Variants in PDS5B observed in about 807,000 individuals in gnomAD.
PDS5B encodes the protein PDS5 cohesin associated factor B, also known as sister chromatid cohesion protein PDS5 homolog B.
Under a neutral mutation model 184.1 loss-of-function variants are expected in PDS5B, and 51 were observed. The ratio of observed to expected loss-of-function variants is 0.28; its 90% CI spans 0.22 to 0.35. The LOEUF (loss-of-function observed/expected upper bound fraction) is 0.35. Ranked by LOEUF, PDS5B falls within the 10% of genes least tolerant of loss-of-function variation. PDS5B has a pLI of 1.00. For missense variants in PDS5B, 1,180 were observed against 1,723.3 expected (o/e 0.68, Z 5.58); for synonymous variants, 566 against 569.2 (o/e 0.99, Z 0.08).
intron 30 of PDS5B, among the ~76,000 whole-genome samples, chr13:32,761,234 G>T (rs1411600286): frequency 6.6e-6 from 1 of 152,148 alleles, no homozygotes. Flanking sequence ...TGTTAACCTA[G>T]TATAGAAAGG....
At chr13:32,750,400 T>A (rs1953928190) in intron 24 of PDS5B, among the ~76,000 whole-genome samples, 1 of 152,116 alleles carries the variant, frequency 6.6e-6, no homozygotes, top group South Asian at 2.1e-4. Context: ...TCATAGTAAA[T>A]CTATAACGGA....
intron 31 of PDS5B, 103 bp from the exon 32 acceptor site, chr13:32,770,018 A>G: frequency 2.2e-6 from 2 of 905,282 alleles, no homozygotes; most frequent in Non-Finnish European, 1.7e-6. Flanking sequence ...TTTTAGGTAC[A>G]TATCTAGGAC....
At chr13:32,695,634 A>G (rs912446710) in intron 14 of PDS5B, among the ~76,000 whole-genome samples, 2 of 152,034 alleles carry the variant, frequency 1.3e-5, no homozygotes, top group African/African-American at 4.8e-5. Context: ...ACATCCAGGT[A>G]GTATGTTAAG....
At chr13:32,757,827 C>A (rs1232345970) in intron 26 of PDS5B, among the ~76,000 whole-genome samples, 1 of 152,086 alleles carries the variant, frequency 6.6e-6, no homozygotes, top group Admixed American at 6.5e-5. Context: ...TTTATGTTTC[C>A]CCTTTAACCC....
At chr13:32,708,389 A>C (rs1452249932) in intron 18 of PDS5B, among the ~76,000 whole-genome samples, 1 of 151,894 alleles carries the variant, frequency 6.6e-6, no homozygotes, top group Admixed American at 6.6e-5. Flanking sequence ...GAATATTTTG[A>C]TTTTTCTACT....
intron 30 of PDS5B, 81 bp downstream of exon 30, chr13:32,760,801 G>T: frequency 1.5e-6 from 2 of 1,298,760 alleles, no homozygotes; most frequent in Non-Finnish European, 1.1e-6. Context: ...AATCCAAAAT[G>T]TTTCATGTCA....
At chr13:32,638,117 A>G (rs1201557268) in intron 1 of PDS5B, among the ~76,000 whole-genome samples, 3 of 152,130 alleles carry the variant, frequency 2.0e-5, no homozygotes, top group African/African-American at 7.2e-5. Context: ...CTGTGCATAT[A>G]CATTCTAATT....
intron 28 of PDS5B, 59 bp downstream of exon 28, chr13:32,758,712 T>C: frequency 1.3e-6 from 2 of 1,541,196 alleles, no homozygotes; most frequent in Non-Finnish European, 1.8e-6. Context: ...CAGCACTGGA[T>C]TGTAGGAAGA....
chr13:32,688,566 T>C lies in PDS5B; in HGVS notation c.1466T>C (p.Val489Ala). 6.6e-7 allele frequency: 1 copy of C among 1,510,018 alleles called. No individual in the cohort carries two copies. Among genetic ancestry groups the C allele is most frequent in the Non-Finnish European group, 9.2e-7 (1 of 1,085,384 alleles). The allele number at this position is 1,510,018 out of a possible 1,614,324, so 93.5% of individuals were successfully genotyped here. Residue 489 changes from valine to alanine, a missense_variant, in exon 13 of 35, where the codon GTG (valine) becomes GCG (alanine). Val to Ala is a moderately conservative substitution (Grantham distance 64). Coordinates refer to ENST00000315596, the MANE Select transcript of PDS5B (RefSeq NM_015032.4). ...YLYATLDLNAVKALNEMWKCQ... is the reference protein window; with the variant it reads ...YLYATLDLNAAKALNEMWKCQ... ...TATGCCACACTGGATTTAAATGCTG[T>C]GAAGTATGTTTCAAATATCAAATTC...
chr13:32,659,058 T>G (rs889978306), intron 5 of PDS5B, 96 bp from the exon 6 acceptor site: 4 of 759,626 alleles, frequency 5.3e-6, no homozygotes, highest in Non-Finnish European at 7.8e-6. Flanking sequence ...TATTTTAGTA[T>G]TATTTTTGTA....
intron 20 of PDS5B, among the ~76,000 whole-genome samples, chr13:32,732,935 T>G (rs1953176281): frequency 6.6e-6 from 1 of 152,168 alleles, no homozygotes; most frequent in South Asian, 2.1e-4. Context: ...AATATCTTTG[T>G]TTTAGAAAGT....
At chr13:32,733,662 G>A (rs1953203223) in intron 20 of PDS5B, among the ~76,000 whole-genome samples, 2 of 152,106 alleles carry the variant, frequency 1.3e-5, no homozygotes, top group Non-Finnish European at 2.9e-5. Flanking sequence ...TAGAGCACCA[G>A]TTTTTCATTA....
intron 31 of PDS5B, among the ~76,000 whole-genome samples, chr13:32,766,252 TC>T (rs1954584854): frequency 6.6e-6 from 1 of 152,182 alleles, no homozygotes; most frequent in African/African-American, 2.4e-5. Flanking sequence ...GGTGTTCCCA[TC>T]CCCCAAAAGT....
At chr13:32,738,466 A>T (rs1293495624) in intron 21 of PDS5B, among the ~76,000 whole-genome samples, 1 of 152,154 alleles carries the variant, frequency 6.6e-6, no homozygotes, top group East Asian at 1.9e-4. Context: ...TCTAGTCACC[A>T]TTCATGTTGC....
chr13:32,707,443 C>T (rs1435103154), intron 18 of PDS5B, among the ~76,000 whole-genome samples: 1 of 151,656 alleles, frequency 6.6e-6, no homozygotes. Context: ...TTATAAAAAA[C>T]ATAGGTTGAT....
In PDS5B at chr13:32,732,121, A is replaced by G. The variant is rs762588126; in HGVS notation, c.2144A>G (p.His715Arg). The G allele has an allele frequency of 1.9e-6, 3 of 1,610,154 alleles. No homozygotes were observed. ...HIRSALLPVL[H>R]HKSKKGPPRQ... Reference sequence around the variant, plus strand: ...AATAGAGCCTTGCTTCCTGTTTTACATCACAAATCTAAAAAAGGACCCCCC... The same window carrying G: ...AATAGAGCCTTGCTTCCTGTTTTACGTCACAAATCTAAAAAAGGACCCCCC... The change falls in exon 20 of 35, where the codon CAT (histidine) becomes CGT (arginine). Residue 715 changes from histidine to arginine, a missense_variant. This residue lies in a region of PDS5B where 475 missense variants were observed against 691.5 expected (regional missense o/e 0.69). Coordinates refer to ENST00000315596, the MANE Select transcript of PDS5B (RefSeq NM_015032.4).
At chr13:32,643,033 A>G (rs1179871465) in intron 1 of PDS5B, among the ~76,000 whole-genome samples, 1 of 152,098 alleles carries the variant, frequency 6.6e-6, no homozygotes, top group African/African-American at 2.4e-5. Flanking sequence ...ATGGATGAGT[A>G]TATTTTACAA....
intron 19 of PDS5B, among the ~76,000 whole-genome samples, chr13:32,715,928 C>T (rs530079299): frequency 2.6e-5 from 4 of 152,376 alleles, no homozygotes; most frequent in Admixed American, 1.3e-4. Context: ...CCCGAGGTGC[C>T]GGGATTGCAG....
chr13:32,665,820 T>C (rs1236680096), intron 6 of PDS5B, among the ~76,000 whole-genome samples: 1 of 152,138 alleles, frequency 6.6e-6, no homozygotes, highest in Non-Finnish European at 1.5e-5. Context: ...TGGAATATTA[T>C]TCCAGCCATA....
Sources: allele counts gnomAD v4.1 joint callset (sites outside exome capture counted in the v4.1 genomes callset), GRCh38; gene constraint gnomAD v4.1.1; regional missense constraint gnomAD v4.1.1; transcripts MANE v1.5; gene names NCBI Gene and HGNC (gene_info 2026-07-23, HGNC 2026-07-21).